Variants in APBA2 observed in about 807,000 individuals in gnomAD.
The protein encoded by APBA2 is amyloid-beta A4 precursor protein-binding family A member 2.
Under a neutral mutation model 75.0 loss-of-function variants are expected in APBA2, and 30 were observed. That is an observed-to-expected ratio of 0.40 (90% CI 0.30 to 0.54). The LOEUF (loss-of-function observed/expected upper bound fraction) is 0.54. Ranked by LOEUF, APBA2 falls within the 20% of genes least tolerant of loss-of-function variation. The probability of loss-of-function intolerance (pLI) is 0.49; values close to 1 mark genes in which losing one functional copy is unlikely to be tolerated. For synonymous variants in APBA2, 444 were observed against 409.6 expected (o/e 1.08, Z -1.01); for missense variants, 801 against 1,016.1 (o/e 0.79, Z 2.88).
rs879402003 is a variant in APBA2 at position 28,918,863 on chromosome 15, A to ATT, written c.-204-2765_-204-2764dup. ...TTGCCAGTTAATTGTGGGGATTATTATTTTTTTTTTTTTGTAGACGGAGTC... is the reference window on the plus strand; with the variant it reads ...TTGCCAGTTAATTGTGGGGATTATTATTTTTTTTTTTTTTTGTAGACGGAGTC... On this transcript the variant is annotated intron_variant, in intron 1 of 14. Coordinates refer to ENST00000683413, the MANE Select transcript of APBA2 (RefSeq NM_001353788.2). This position sits in a 1 kb window ranked among gnomAD's most constrained non-coding sequence, Gnocchi z 4.2. Among the ~76,000 whole-genome samples, 4 of 143,808 alleles carry ATT rather than the reference A, an allele frequency of 2.8e-5. No individual in the cohort carries two copies. Among genetic ancestry groups the ATT allele is most frequent in the Admixed American group, 7.0e-5 (1 of 14,384 alleles). 94.3% of individuals were successfully genotyped at this position (143,808 alleles called of 152,430 possible). A position where few individuals can be genotyped will look rare whatever the true frequency, so the allele number is the denominator to read the frequency against.
At chr15:28,958,787 G>A (rs1205140540) in intron 2 of APBA2, among the ~76,000 whole-genome samples, 2 of 151,556 alleles carry the variant, frequency 1.3e-5, no homozygotes, top group East Asian at 1.9e-4. Context: ...CAAAGCAGGA[G>A]GGTCGTTGTT....
intron 14 of APBA2, among the ~76,000 whole-genome samples, chr15:29,114,410 A>T (rs1427037519): frequency 6.6e-6 from 1 of 152,148 alleles, no homozygotes; most frequent in Admixed American, 6.5e-5. Context: ...AACCCCCCAC[A>T]GTCCAGTTCT....
At chr15:29,074,253 A>G (rs927015900) in intron 4 of APBA2, among the ~76,000 whole-genome samples, 8 of 152,238 alleles carry the variant, frequency 5.3e-5, no homozygotes, top group East Asian at 1.9e-4. Flanking sequence ...GTGTCCATCA[A>G]TAGATGACTG....
intron 2 of APBA2, chr15:28,970,639 C>G (rs748445722): frequency 6.6e-6 from 1 of 151,434 alleles, no homozygotes. Flanking sequence ...CACCTGAAAG[C>G]GTCCTGGAAA....
At position 29,117,454 on chromosome 15, in the gene APBA2, T is replaced by G; in HGVS notation, c.*321T>G. ...CGTGGTGTGGAGTGTGTGTCTTTCC[T>G]CCCTGAAGCTGTGCGGAGCGAACTG... On this transcript the variant is annotated 3_prime_UTR_variant, in exon 15 of 15. Transcript: ENST00000683413. 1 of 419,974 alleles carries G rather than the reference T, an allele frequency of 2.4e-6. No individual in the cohort carries two copies. Among genetic ancestry groups the G allele is most frequent in the Non-Finnish European group, 4.4e-6 (1 of 225,932 alleles). 26.0% of individuals were successfully genotyped at this position (419,974 alleles called of 1,614,324 possible).
At chr15:28,902,580 T>A (rs2032925681) in intron 1 of APBA2, among the ~76,000 whole-genome samples, 1 of 152,164 alleles carries the variant, frequency 6.6e-6, no homozygotes, top group South Asian at 2.1e-4. Context: ...GTATGGACTG[T>A]AGTTAATAAT....
At chr15:28,988,701 A>T (rs2038058442) in intron 2 of APBA2, among the ~76,000 whole-genome samples, 1 of 152,152 alleles carries the variant, frequency 6.6e-6, no homozygotes, top group South Asian at 2.1e-4. Flanking sequence ...CCATTGATGG[A>T]TGCTTAGTTG....
At chr15:28,923,782 C>T (rs1007460641) in intron 2 of APBA2, among the ~76,000 whole-genome samples, 1 of 152,182 alleles carries the variant, frequency 6.6e-6, no homozygotes, top group African/African-American at 2.4e-5. Context: ...CTGCCTCACT[C>T]CCTTTTTGTG....
In APBA2 at chr15:29,042,956, C is replaced by T. The variant is rs1191030522; in HGVS notation, c.-40-10889C>T. On this transcript the variant is annotated intron_variant, in intron 3 of 14. Coordinates refer to ENST00000683413, the MANE Select transcript of APBA2 (RefSeq NM_001353788.2). Reference sequence around the variant, plus strand: ...TCAGTTGCCCTCTTATCTGGACCCTCGCTTTTCCCCTAAAGGCATCCAGGA... The same window carrying T: ...TCAGTTGCCCTCTTATCTGGACCCTTGCTTTTCCCCTAAAGGCATCCAGGA... Among the ~76,000 whole-genome samples, 12 of 152,276 alleles carry T rather than the reference C, an allele frequency of 7.9e-5. No homozygotes were observed. In the South Asian group the frequency reaches 1.9e-3, roughly 24 times the overall value.
intron 2 of APBA2, among the ~76,000 whole-genome samples, chr15:28,924,864 A>G (rs1172739165): frequency 6.6e-6 from 1 of 152,038 alleles, no homozygotes; most frequent in African/African-American, 2.4e-5. Context: ...GCACCGTTTT[A>G]CATTCCCGCC....
At position 29,108,257 on chromosome 15, in the gene APBA2, C is replaced by T. The variant is rs750286185; in HGVS notation, c.1918-13C>T. On this transcript the variant is annotated splice_polypyrimidine_tract_variant and intron_variant, in intron 12 of 14. Coordinates refer to ENST00000683413, the MANE Select transcript of APBA2 (RefSeq NM_001353788.2). ...AAGGCCCAGCCTGTGACTCCTGTCC[C>T]CGTGCTCTGCAGGGCCTGAAGAACC... The T allele has an allele frequency of 3.1e-6, 5 of 1,613,534 alleles. No individual in the cohort carries two copies. In the East Asian group the frequency reaches 6.7e-5, roughly 22 times the overall value.
chr15:29,025,318 T>G (rs1052287707), intron 3 of APBA2, among the ~76,000 whole-genome samples: 1 of 149,806 alleles, frequency 6.7e-6, no homozygotes, highest in Admixed American at 6.7e-5. Context: ...CAGGCTGGCA[T>G]GCAGTGGCGC....
intron 4 of APBA2, among the ~76,000 whole-genome samples, chr15:29,072,455 A>C (rs113069395): frequency 5.3e-5 from 8 of 152,176 alleles, no homozygotes; most frequent in Non-Finnish European, 5.9e-5. Flanking sequence ...CTCTTGTTGC[A>C]TCCTTTGGAA....
chr15:29,043,396 A>G (rs1472162902), intron 3 of APBA2, among the ~76,000 whole-genome samples: 4 of 152,142 alleles, frequency 2.6e-5, no homozygotes, highest in Non-Finnish European at 5.9e-5. Flanking sequence ...CACCCTTCCC[A>G]CCGCAGAAAT....
Position 28,931,393 on chromosome 15 carries a change from G to T in APBA2, c.-95+9644G>T, listed in dbSNP as rs189103874. ...GGAGGTTCCAGAGCTAACTAAAGCCGCTGAGACTCAGAGGGAGTCTCACGC... is the reference window on the plus strand; with the variant it reads ...GGAGGTTCCAGAGCTAACTAAAGCCTCTGAGACTCAGAGGGAGTCTCACGC... On this transcript the variant is annotated intron_variant, in intron 2 of 14. Transcript: ENST00000683413. Among the ~76,000 whole-genome samples the T allele has an allele frequency of 2.0e-5, 3 of 152,288 alleles. No individual in the cohort carries two copies. The East Asian group carries it at 5.8e-4, about 29-fold the overall frequency.
At chr15:29,075,043 A>C in intron 5 of APBA2, 42 bp downstream of exon 5, 1 of 1,424,126 alleles carries the variant, frequency 7.0e-7, no homozygotes. Flanking sequence ...TGGAACACTC[A>C]TCTAATGATG....
chr15:28,967,014 A>G (rs898820646), intron 2 of APBA2, among the ~76,000 whole-genome samples: 1 of 152,190 alleles, frequency 6.6e-6, no homozygotes, highest in African/African-American at 2.4e-5. Flanking sequence ...AGTATGATTA[A>G]AGAACCTCAT....
At chr15:29,107,299 A>G (rs2044473702) in intron 12 of APBA2, among the ~76,000 whole-genome samples, 1 of 152,166 alleles carries the variant, frequency 6.6e-6, no homozygotes, top group Non-Finnish European at 1.5e-5. Context: ...GTGAGCTTGC[A>G]GCTTTGGGAG....
At chr15:29,038,229 G>A (rs2040844307) in intron 3 of APBA2, among the ~76,000 whole-genome samples, 1 of 152,114 alleles carries the variant, frequency 6.6e-6, no homozygotes, top group African/African-American at 2.4e-5. Context: ...TGGTGTTGGG[G>A]GACTCTGGCT....
Sources: allele counts gnomAD v4.1 joint callset (sites outside exome capture counted in the v4.1 genomes callset), GRCh38; gene constraint gnomAD v4.1.1; non-coding constraint Gnocchi (gnomAD v3.1); transcripts MANE v1.5; gene names NCBI Gene and HGNC (gene_info 2026-07-23, HGNC 2026-07-21).